Variants in ACSL6 observed in about 807,000 individuals in gnomAD.
ACSL6 encodes the protein acyl-CoA synthetase long chain family member 6.
In ACSL6, 47 loss-of-function variants were observed where a neutral mutation model predicts 98.2. The ratio of observed to expected loss-of-function variants is 0.48; its 90% CI spans 0.38 to 0.61. The LOEUF (loss-of-function observed/expected upper bound fraction) is 0.61. Ranked by LOEUF, ACSL6 falls within the 20% of genes least tolerant of loss-of-function variation. ACSL6 has a pLI of 0.00. For missense variants in ACSL6, 761 were observed against 913.4 expected (o/e 0.83, Z 2.15); for synonymous variants, 362 against 336.9 (o/e 1.07, Z -0.82).
At chr5:131,986,406 C>T (rs1057186278) in intron 8 of ACSL6, among the ~76,000 whole-genome samples, 49 of 152,290 alleles carry the variant, frequency 3.2e-4, no homozygotes, top group East Asian at 9.7e-4. Context: ...ATGGGGATGA[C>T]GCACAGAACA....
At position 131,966,452 on chromosome 5, in the gene ACSL6, G is replaced by A; in HGVS notation, c.1677C>T (p.Gly559=). ...DRTKEALDSD[G]WLHTGDIGKW... ...TTCCGATGTCTCCAGTGTGAAGCCA[G>A]CCATCGCTGTCCAGGGCCTCCTTCG... Residue 559 remains glycine, a synonymous_variant, in exon 17 of 21, where the codon GGC becomes GGT. Coordinates refer to ENST00000651883, the MANE Select transcript of ACSL6 (RefSeq NM_001009185.3). 6.2e-7 allele frequency: 1 copy of A among 1,614,192 alleles called. No homozygotes were observed. Among genetic ancestry groups the A allele is most frequent in the Non-Finnish European group, 8.5e-7 (1 of 1,180,020 alleles).
chr5:131,994,353 C>A (rs1181611484), intron 1 of ACSL6, 102 bp from the exon 2 acceptor site: 3 of 1,053,868 alleles, frequency 2.8e-6, no homozygotes, highest in African/African-American at 1.6e-5. Context: ...CACTGTAGGG[C>A]AGGCCCTCGG....
Position 132,011,501 on chromosome 5 carries a change from T to C in ACSL6, c.49+4A>G. ...TCCGGGACGCGGACAGGACGGGCAC[T>C]TACCTACGAATAGCCAGAGGGAGCC... On this transcript the variant is annotated splice_donor_region_variant and intron_variant, in intron 1 of 20. Coordinates refer to ENST00000651883, the MANE Select transcript of ACSL6 (RefSeq NM_001009185.3). This position sits in a 1 kb window ranked among gnomAD's most constrained non-coding sequence, Gnocchi z 5.4. 1 of 1,609,268 alleles carries C rather than the reference T, an allele frequency of 6.2e-7. No homozygotes were observed. Among genetic ancestry groups the C allele is most frequent in the Non-Finnish European group, 8.5e-7 (1 of 1,177,934 alleles).
Position 131,954,126 on chromosome 5 carries a change from A to C in ACSL6, c.*108T>G. ...GGACAGGAAAAGGCTCAGTCATAAA[A>C]TCAGATGCTTATTCATTTTCAGCTG... is the stretch of plus-strand genomic sequence containing the variant. On this transcript the variant is annotated 3_prime_UTR_variant, in exon 21 of 21. Coordinates refer to ENST00000651883, the MANE Select transcript of ACSL6 (RefSeq NM_001009185.3). The C allele has an allele frequency of 8.2e-7, 1 of 1,224,958 alleles. No homozygotes were observed. The highest frequency in any genetic ancestry group is 1.1e-6 in the Non-Finnish European group (1 of 925,974). 75.9% of individuals were successfully genotyped at this position (1,224,958 alleles called of 1,614,324 possible).
At chr5:131,968,456 T>G (rs548046684) in intron 15 of ACSL6, among the ~76,000 whole-genome samples, 1 of 152,340 alleles carries the variant, frequency 6.6e-6, no homozygotes, top group Admixed American at 6.5e-5. Context: ...GCCACCAGAC[T>G]GTTGATTACT....
chr5:131,959,846 T>A, intron 19 of ACSL6: 1 of 538,812 alleles, frequency 1.9e-6, no homozygotes, highest in Admixed American at 3.2e-5. Context: ...CCACTCAATT[T>A]TTTTTTAAAG....
At position 132,011,444 on chromosome 5, in the gene ACSL6, G is replaced by A; in HGVS notation, c.49+61C>T. 1.3e-6 allele frequency: 2 copies of A among 1,562,612 alleles called. No individual in the cohort carries two copies. The highest frequency in any genetic ancestry group is 1.8e-6 in the Non-Finnish European group (2 of 1,135,862). ...CGGAGATGTAACACCTCCACCTCGG[G>A]CGAAGACCTCATAGCCTGCGGGAGA... is the stretch of plus-strand genomic sequence containing the variant. On this transcript the variant is annotated intron_variant, in intron 1 of 20. Transcript: ENST00000651883. This position sits in a 1 kb window ranked among gnomAD's most constrained non-coding sequence, Gnocchi z 5.4.
At chr5:131,998,877 C>A (rs1393445741) in intron 1 of ACSL6, among the ~76,000 whole-genome samples, 1 of 152,224 alleles carries the variant, frequency 6.6e-6, no homozygotes, top group South Asian at 2.1e-4. Flanking sequence ...CAAACTAATG[C>A]TCACACTGAG....
Position 131,976,639 on chromosome 5 carries a change from T to C in ACSL6, c.990+9A>G, listed in dbSNP as rs758176757. 1.2e-6 allele frequency: 2 copies of C among 1,612,664 alleles called. No homozygotes were observed. The highest frequency in any genetic ancestry group is 2.2e-5 in the South Asian group (2 of 91,056). On this transcript the variant is annotated intron_variant, in intron 10 of 20. Transcript: ENST00000651883. ...GAGACACCTGCAACAGTAATGCTAC[T>C]TTATTCACCTCTGTCACTTTCAGAA...
At chr5:131,986,783 C>T in intron 8 of ACSL6, 39 bp downstream of exon 8, 5 of 1,613,662 alleles carry the variant, frequency 3.1e-6, no homozygotes, top group Non-Finnish European at 4.2e-6. Flanking sequence ...CCCTGCACGC[C>T]ATCTCGCTCA....
At chr5:131,979,188 C>T (rs1235968457) in intron 9 of ACSL6, among the ~76,000 whole-genome samples, 1 of 152,196 alleles carries the variant, frequency 6.6e-6, no homozygotes, top group African/African-American at 2.4e-5. Context: ...TACCTGGGCC[C>T]ACAGAGTACC....
chr5:131,974,115 A>T (rs1015424588), intron 11 of ACSL6: 28 of 152,692 alleles, frequency 1.8e-4, no homozygotes, highest in African/African-American at 6.5e-4. Context: ...TGCTCTCCAG[A>T]TGCCACGGCC....
intron 1 of ACSL6, among the ~76,000 whole-genome samples, chr5:131,996,728 T>C (rs760431371): frequency 6.6e-6 from 1 of 152,236 alleles, no homozygotes; most frequent in Admixed American, 6.5e-5. Context: ...AAGTCATCCA[T>C]CTGTCTTTCA....
chr5:131,960,426 C>G, intron 19 of ACSL6, 94 bp downstream of exon 19: 1 of 992,542 alleles, frequency 1.0e-6, no homozygotes, highest in Non-Finnish European at 1.4e-6. Flanking sequence ...CGTACGAGCT[C>G]GAATTTCACT....
At chr5:131,992,986 C>A (rs577933360) in intron 2 of ACSL6, among the ~76,000 whole-genome samples, 1 of 152,350 alleles carries the variant, frequency 6.6e-6, no homozygotes. Flanking sequence ...GGGCCATACA[C>A]CTCAGAGGCA....
chr5:131,989,000 C>G (rs773236855), intron 5 of ACSL6, 96 bp from the exon 6 acceptor site: 34 of 1,102,806 alleles, frequency 3.1e-5, no homozygotes, highest in Non-Finnish European at 4.5e-5. Flanking sequence ...GCTCTAAGCC[C>G]TATGCCTGTG....
intron 17 of ACSL6, among the ~76,000 whole-genome samples, chr5:131,964,305 T>C (rs1752893706): frequency 6.6e-6 from 1 of 152,244 alleles, no homozygotes. Flanking sequence ...ACATCATGAT[T>C]AAGTTGAATT....
At chr5:131,996,108 G>A (rs1190115975) in intron 1 of ACSL6, among the ~76,000 whole-genome samples, 2 of 152,194 alleles carry the variant, frequency 1.3e-5, no homozygotes, top group Non-Finnish European at 2.9e-5. Context: ...CAGGCTCTGG[G>A]TGAGCCTCTA....
At chr5:132,009,577 C>T (rs1026636347) in intron 1 of ACSL6, among the ~76,000 whole-genome samples, 1 of 152,222 alleles carries the variant, frequency 6.6e-6, no homozygotes, top group African/African-American at 2.4e-5. Flanking sequence ...CCAGCCTCAG[C>T]CTCTTGCTTT....
Sources: gnomAD v4.1 joint callset for allele counts (sites outside exome capture counted in the v4.1 genomes callset) on GRCh38, gnomAD v4.1.1 for gene constraint, Gnocchi (gnomAD v3.1) non-coding constraint, MANE v1.5 for transcripts, NCBI Gene and HGNC (gene_info 2026-07-23, HGNC 2026-07-21) for gene names.